NAALADL2: variants seen among roughly 807,000 people sequenced by gnomAD.
NAALADL2 encodes N-acetylated alpha-linked acidic dipeptidase like 2.
A neutral mutation model predicts 87.2 loss-of-function variants in NAALADL2; 76 were observed. The ratio of observed to expected loss-of-function variants is 0.87; its 90% confidence interval spans 0.72 to 1.05. The LOEUF (loss-of-function observed/expected upper bound fraction) is 1.05, where lower values mean the gene tolerates loss of function less well. NAALADL2 is among the 50% of genes least tolerant of loss of function. The pLI is 0.00. For synonymous variants in NAALADL2, 354 were observed against 331.0 expected, an observed-to-expected ratio of 1.07 and a Z score of -0.75; for missense variants, 1,089 against 945.8, an observed-to-expected ratio of 1.15 and a Z score of -1.99.
chr3:174,538,177 C>T (rs1236191301), intron 1 of NAALADL2, among the ~76,000 whole-genome samples: 1 of 152,116 alleles, frequency 6.6e-6, no homozygotes, highest in African/African-American at 2.4e-5. Context: ...CTTTCCACAT[C>T]TCCTTTTTAC....
At chr3:175,181,711 G>A (rs1334507162) in intron 2 of NAALADL2, among the ~76,000 whole-genome samples, 1 of 24,334 alleles carries the variant, frequency 4.1e-5, no homozygotes, top group Admixed American at 6.3e-4. Flanking sequence ...ATATGTGTGT[G>A]TGTGTGTATA....
At chr3:175,008,971 A>G (rs191553274) in intron 1 of NAALADL2, among the ~76,000 whole-genome samples, 1 of 152,368 alleles carries the variant, frequency 6.6e-6, no homozygotes, top group African/African-American at 2.4e-5. Flanking sequence ...GAAAAAAGAC[A>G]AATCTAAATG....
chr3:175,172,985 G>A (rs1018764311), intron 2 of NAALADL2, among the ~76,000 whole-genome samples: 2 of 151,982 alleles, frequency 1.3e-5, no homozygotes, highest in African/African-American at 4.8e-5. Context: ...TTCGATGCTG[G>A]TGTCTTTAAA....
intron 2 of NAALADL2, among the ~76,000 whole-genome samples, chr3:174,736,932 G>T (rs1453157352): frequency 6.6e-6 from 1 of 152,174 alleles, no homozygotes; most frequent in Admixed American, 6.5e-5. Flanking sequence ...AGGCAGCAGG[G>T]TGATTGTGTG....
intron 2 of NAALADL2, among the ~76,000 whole-genome samples, chr3:174,716,461 G>T (rs1345120027): frequency 1.3e-5 from 2 of 152,006 alleles, no homozygotes; most frequent in Non-Finnish European, 2.9e-5. Flanking sequence ...AATTAATACA[G>T]TCTATATCAG....
chr3:174,709,489 A>G (rs1428391170), intron 2 of NAALADL2, among the ~76,000 whole-genome samples: 4 of 152,170 alleles, frequency 2.6e-5, no homozygotes, highest in Non-Finnish European at 5.9e-5. Flanking sequence ...AACTCCAAGA[A>G]GATGATTCTG....
rs538951603 is a variant in NAALADL2 at position 175,465,751 on chromosome 3, G to A, written c.1328-1228G>A. On this transcript the variant is annotated intron_variant, in intron 7 of 13. Coordinates refer to ENST00000454872, the MANE Select transcript of NAALADL2 (RefSeq NM_207015.3). The stretch of plus-strand genomic sequence containing the variant: ...CTCCCAAAATACCGGGATTACAGGC[G>A]TGAGCCACCGCCCATTAATTAAACC... 2.0e-5 allele frequency among the ~76,000 whole-genome samples: 3 copies of A among 152,242 alleles called. No homozygotes were observed. In the South Asian group the frequency reaches 6.2e-4, roughly 32 times the overall value.
At chr3:175,502,963 CATATAT>C (rs1729767997) in intron 9 of NAALADL2, among the ~76,000 whole-genome samples, 1 of 149,034 alleles carries the variant, frequency 6.7e-6, no homozygotes, top group East Asian at 2.0e-4. Context: ...TTCAGGGGTA[CATATAT>C]AGGTTGTTTT....
rs115388665 is a variant in NAALADL2, at chr3:175,160,139, G to A, written c.545+62848G>A. Among the ~76,000 whole-genome samples, 461 of 151,370 alleles carry A rather than the reference G, an allele frequency of 3.0e-3. 3 individuals carry two copies. Among genetic ancestry groups the A allele is most frequent in the African/African-American group, 0.011 (441 of 41,336 alleles). ...CAATTGTGAGTCACTTTGTCAGGCC[G>A]CAAGTGATTTTCTTGAAATTAAAGT... On this transcript the variant is annotated intron_variant, in intron 2 of 13. Coordinates refer to ENST00000454872, the MANE Select transcript of NAALADL2 (RefSeq NM_207015.3).
intron 1 of NAALADL2, among the ~76,000 whole-genome samples, chr3:174,995,100 A>G (rs1747257278): frequency 6.6e-6 from 1 of 152,104 alleles, no homozygotes; most frequent in African/African-American, 2.4e-5. Flanking sequence ...AAAAGGCAGA[A>G]GAGATAAAAT....
rs547867571 is a variant in NAALADL2 at position 175,627,327 on chromosome 3, C to T, written c.1837C>T (p.Arg613Ter). 8.3e-6 allele frequency: 13 copies of T among 1,572,082 alleles called. No individual in the cohort carries two copies. The highest frequency in any genetic ancestry group is 2.3e-5 in the East Asian group (1 of 43,604). ...SFLSEARFST[R>*]ATKIEEMDPS... ...TCTCTCCGAGGCCCGTTTTTCTACA[C>T]GAGCAACAAAAATTGAAGAAATGGA... is the stretch of plus-strand genomic sequence containing the variant. Residue 613 changes from arginine (R) to a stop codon, truncating the protein, a stop_gained, in exon 11 of 14, where the codon CGA (arginine) becomes TGA (stop). Transcript: ENST00000454872. LOFTEE classifies it high-confidence loss of function.
At chr3:175,186,453 A>G (rs1213572610) in intron 2 of NAALADL2, among the ~76,000 whole-genome samples, 1 of 152,136 alleles carries the variant, frequency 6.6e-6, no homozygotes, top group Non-Finnish European at 1.5e-5. Flanking sequence ...AAAATATAAA[A>G]CATCTAATTT....
intron 1 of NAALADL2, among the ~76,000 whole-genome samples, chr3:174,521,532 A>G (rs766728858): frequency 3.7e-5 from 5 of 133,752 alleles, no homozygotes; most frequent in Non-Finnish European, 7.6e-5. Context: ...AGATCGTGCC[A>G]CTGCACTCCA....
At chr3:175,011,280 CAG>C (rs139229550) in intron 1 of NAALADL2, among the ~76,000 whole-genome samples, 55,511 of 112,932 alleles carry the variant, frequency 0.49, 12,809 homozygotes, top group East Asian at 0.56. Flanking sequence ...GACAGAGAGA[CAG>C]AGAGAGAGAG....
chr3:175,384,297 C>A (rs1222091343), intron 5 of NAALADL2, among the ~76,000 whole-genome samples: 2 of 152,006 alleles, frequency 1.3e-5, no homozygotes, highest in African/African-American at 4.8e-5. Context: ...TGGCAAAAGG[C>A]TTTTGCTGGT....
At chr3:175,099,757 A>G (rs1418514564) in intron 2 of NAALADL2, among the ~76,000 whole-genome samples, 1 of 152,138 alleles carries the variant, frequency 6.6e-6, no homozygotes, top group Admixed American at 6.6e-5. Flanking sequence ...CAAATAGCCT[A>G]AAAGTTGTGC....
intron 3 of NAALADL2, among the ~76,000 whole-genome samples, chr3:174,836,468 G>A (rs1723334881): frequency 6.6e-6 from 1 of 151,950 alleles, no homozygotes; most frequent in African/African-American, 2.4e-5. Context: ...TTAAGAGGCC[G>A]AGGCGGGTGG....
At chr3:174,878,326 T>G (rs532570621) in intron 1 of NAALADL2, among the ~76,000 whole-genome samples, 2 of 152,160 alleles carry the variant, frequency 1.3e-5, no homozygotes, top group East Asian at 3.9e-4. Flanking sequence ...TCTGAGCAAT[T>G]TTTTTCTCTA....
chr3:174,614,001 G>C (rs1720200034), intron 2 of NAALADL2, among the ~76,000 whole-genome samples: 2 of 152,126 alleles, frequency 1.3e-5, no homozygotes, highest in Non-Finnish European at 2.9e-5. Context: ...CCTAGAAAGG[G>C]GGTCTCAGGA....
Sources: gnomAD v4.1 joint callset for allele counts (sites outside exome capture counted in the v4.1 genomes callset) on GRCh38, gnomAD v4.1.1 for gene constraint, MANE v1.5 for transcripts, NCBI Gene and HGNC (gene_info 2026-07-23, HGNC 2026-07-21) for gene names.